Variants in GRIP1 observed in about 807,000 individuals in gnomAD.
GRIP1 encodes the protein glutamate receptor interacting protein 1.
Under a neutral mutation model 129.9 loss-of-function variants are expected in GRIP1, and 45 were observed. That is an observed-to-expected ratio of 0.35 (90% confidence interval 0.27 to 0.44). GRIP1 has a LOEUF of 0.44. GRIP1 is among the 20% of genes least tolerant of loss of function. The pLI is 1.00. For synonymous variants in GRIP1, 530 were observed against 520.8 expected, an observed-to-expected ratio of 1.02 and a Z score of -0.24; for missense variants, 1,196 against 1,396.8, an observed-to-expected ratio of 0.86 and a Z score of 2.29.
chr12:66,430,105 C>T (rs2058103586), intron 14 of GRIP1, among the ~76,000 whole-genome samples: 1 of 152,212 alleles, frequency 6.6e-6, no homozygotes, highest in African/African-American at 2.4e-5. Context: ...TTCATTCACT[C>T]AGCAAATGGA....
At chr12:66,592,433 A>C (rs1031212847) in intron 2 of GRIP1, among the ~76,000 whole-genome samples, 3 of 152,216 alleles carry the variant, frequency 2.0e-5, no homozygotes, top group Non-Finnish European at 4.4e-5. Context: ...TAGGAGGGGA[A>C]AAGAAATCCC....
intron 1 of GRIP1, among the ~76,000 whole-genome samples, 161 bp downstream of exon 1, chr12:66,678,689 G>A (rs781778668): frequency 1.3e-5 from 2 of 151,868 alleles, no homozygotes; most frequent in Non-Finnish European, 2.9e-5. Flanking sequence ...AAGCAAAGCC[G>A]AGTCTACCTG....
rs531878622 is a variant in GRIP1 at position 67,016,958 on chromosome 12, A to G, written c.58+52092T>C. Among the ~76,000 whole-genome samples the G allele has an allele frequency of 2.6e-5, 4 of 152,290 alleles. No individual in the cohort carries two copies. In the South Asian group the frequency reaches 6.2e-4, roughly 24 times the overall value. On this transcript the variant is annotated intron_variant, in intron 1 of 1. Transcript: ENST00000643019. The stretch of plus-strand genomic sequence containing the variant: ...ATCCAGTGGAGCTATTCAATTCTAT[A>G]AGACATTTTTAATAACCTAAGAACA...
intron 1 of GRIP1, among the ~76,000 whole-genome samples, chr12:66,964,522 G>A (rs999188085): frequency 3.3e-5 from 5 of 152,088 alleles, no homozygotes; most frequent in Admixed American, 2.6e-4. Context: ...ATTCAGGCCT[G>A]TGTACATTCT....
chr12:66,720,069 T>C (rs2036013690), intron 1 of GRIP1, among the ~76,000 whole-genome samples: 1 of 152,192 alleles, frequency 6.6e-6, no homozygotes, highest in Non-Finnish European at 1.5e-5. Flanking sequence ...TGCTGACTTA[T>C]CTAATTTTAT....
Position 66,376,884 on chromosome 12 carries a change from G to T in GRIP1, c.2778+133C>A, listed in dbSNP as rs1179339065. 5 of 786,066 alleles carry T rather than the reference G, an allele frequency of 6.4e-6. No individual in the cohort carries two copies. In the Admixed American group the frequency reaches 8.5e-5, roughly 13 times the overall value. 48.7% of individuals were successfully genotyped at this position (786,066 alleles called of 1,614,324 possible). On this transcript the variant is annotated intron_variant, in intron 22 of 24. Transcript: ENST00000359742. The stretch of plus-strand genomic sequence containing the variant: ...CAGGGAGCAATGGCAGAAGCCACAA[G>T]TCAGTAAGCTTGAGGGGTGGAGATG...
intron 1 of GRIP1, among the ~76,000 whole-genome samples, chr12:66,599,107 A>G (rs1424341082): frequency 6.6e-6 from 1 of 152,188 alleles, no homozygotes; most frequent in Non-Finnish European, 1.5e-5. Context: ...TTGAAACTGA[A>G]TTATAGATGA....
In GRIP1 at chr12:66,859,271, AAAAAC is replaced by A. The variant is rs1566054538; in HGVS notation, c.58+209774_58+209778del. On this transcript the variant is annotated intron_variant, in intron 1 of 1. Coordinates refer to the GRIP1 transcript ENST00000643019. ...CTCCACATTTTCTGAAAAAAAACAA[AAAAAC>A]AAAAAAACAAAAAAACAAAAAAACA... Among the ~76,000 whole-genome samples the A allele has an allele frequency of 8.1e-4, 32 of 39,604 alleles. 2 individuals carry two copies. Among genetic ancestry groups the A allele is most frequent in the Non-Finnish European group, 1.6e-3 (18 of 11,386 alleles). 26.0% of individuals were successfully genotyped at this position (39,604 alleles called of 152,430 possible).
chr12:66,568,930 G>T, intron 2 of GRIP1: 1 of 523,980 alleles, frequency 1.9e-6, no homozygotes, highest in Admixed American at 2.0e-5. Context: ...GGAAGGCATT[G>T]TGCTGATCAC....
chr12:66,474,973 T>A (rs898437399), intron 7 of GRIP1, among the ~76,000 whole-genome samples: 1 of 151,876 alleles, frequency 6.6e-6, no homozygotes, highest in African/African-American at 2.4e-5. Context: ...AATTCACACA[T>A]AACAATATTA....
intron 1 of GRIP1, among the ~76,000 whole-genome samples, chr12:67,009,075 T>C (rs993884085): frequency 1.3e-5 from 2 of 152,164 alleles, no homozygotes; most frequent in Admixed American, 6.6e-5. Flanking sequence ...AGGATAGCAA[T>C]GACTTTGGTC....
intron 1 of GRIP1, among the ~76,000 whole-genome samples, chr12:66,605,859 C>G (rs1434205662): frequency 6.6e-6 from 1 of 152,148 alleles, no homozygotes; most frequent in African/African-American, 2.4e-5. Context: ...TGTTTAGACT[C>G]AGTTTCCAAT....
At chr12:67,017,425 A>G (rs968219483) in intron 1 of GRIP1, among the ~76,000 whole-genome samples, 3 of 152,076 alleles carry the variant, frequency 2.0e-5, no homozygotes, top group African/African-American at 4.8e-5. Context: ...TAATGGGTGG[A>G]GAATTAGGAA....
chr12:66,536,440 C>T (rs1340157981), intron 4 of GRIP1, among the ~76,000 whole-genome samples: 1 of 152,168 alleles, frequency 6.6e-6, no homozygotes, highest in African/African-American at 2.4e-5. Context: ...TCTGCTATAG[C>T]CACACTGTCC....
intron 2 of GRIP1, among the ~76,000 whole-genome samples, chr12:66,548,083 G>C (rs1236428308): frequency 6.6e-6 from 1 of 152,188 alleles, no homozygotes. Context: ...TCCTCCAGTG[G>C]ATTCTAACAT....
upstream of GRIP1, among the ~76,000 whole-genome samples, chr12:66,805,792 T>G (rs1007181863): frequency 1.3e-5 from 2 of 152,194 alleles, no homozygotes; most frequent in African/African-American, 4.8e-5. Context: ...ATCTAAAATA[T>G]GTAGTTACTT....
At chr12:67,010,826 C>T (rs1264986438) in intron 1 of GRIP1, among the ~76,000 whole-genome samples, 3 of 151,958 alleles carry the variant, frequency 2.0e-5, no homozygotes, top group Non-Finnish European at 2.9e-5. Flanking sequence ...TCCCCCCCAG[C>T]GCAGGAACAC....
chr12:66,927,932 T>C (rs957118721), intron 1 of GRIP1, among the ~76,000 whole-genome samples: 2 of 152,212 alleles, frequency 1.3e-5, no homozygotes, highest in African/African-American at 2.4e-5. Flanking sequence ...TAGTCTCTGA[T>C]TGGAGAAGAT....
At chr12:66,557,358 T>C (rs922476445) in intron 2 of GRIP1, among the ~76,000 whole-genome samples, 13 of 152,160 alleles carry the variant, frequency 8.5e-5, no homozygotes, top group African/African-American at 2.6e-4. Context: ...AAGAGAGAGA[T>C]AGAACTCAAT....
Sources: gnomAD v4.1 joint callset for allele counts (sites outside exome capture counted in the v4.1 genomes callset) on GRCh38, gnomAD v4.1.1 for gene constraint, MANE v1.5 for transcripts, NCBI Gene and HGNC (gene_info 2026-07-23, HGNC 2026-07-21) for gene names.